The following PI4KA variants were observed in gnomAD, a reference collection of about 807,000 sequenced individuals.
PI4KA encodes PI4-kinase alpha.
A neutral mutation model predicts 271.4 loss-of-function variants in PI4KA; 122 were observed. The ratio of observed to expected loss-of-function variants is 0.45; its 90% CI spans 0.39 to 0.52. The LOEUF (loss-of-function observed/expected upper bound fraction) is 0.52. PI4KA is among the 20% of genes least tolerant of loss of function. PI4KA has a pLI of 0.00. For synonymous variants in PI4KA, 1,041 were observed against 1,078.8 expected (o/e 0.96, Z 0.69); for missense variants, 1,969 against 2,769.1 (o/e 0.71, Z 6.48).
chr22:20,825,844 A>G (rs1333398274), intron 3 of PI4KA, among the ~76,000 whole-genome samples: 1 of 152,186 alleles, frequency 6.6e-6, no homozygotes, highest in African/African-American at 2.4e-5. Context: ...TAATAAGCAT[A>G]GTACCCAGAA....
rs1031287148 is a variant in PI4KA, at chr22:20,726,473, C to G, written c.4995+15G>C. On this transcript the variant is annotated intron_variant, in intron 42 of 54. Transcript: ENST00000255882. The stretch of plus-strand genomic sequence containing the variant: ...TCTGTGAGTGAAGAGGACGGCCATG[C>G]AGGTGCAGGCTTACCTTGTCGTACC... 16 of 1,545,132 alleles carry G rather than the reference C, an allele frequency of 1.0e-5. No homozygotes were observed. The highest frequency in any genetic ancestry group is 2.8e-5 in the African/African-American group (2 of 70,272).
intron 1 of PI4KA, among the ~76,000 whole-genome samples, chr22:20,854,779 T>C (rs954768546): frequency 1.3e-5 from 2 of 151,426 alleles, no homozygotes; most frequent in Non-Finnish European, 2.9e-5. Flanking sequence ...AGGGATTGGG[T>C]TTTAAATACT....
chr22:20,830,551 T>A (rs964458726), intron 3 of PI4KA, among the ~76,000 whole-genome samples: 3 of 152,198 alleles, frequency 2.0e-5, no homozygotes, highest in Admixed American at 2.0e-4. Flanking sequence ...GTATGTGGGA[T>A]TGGTCTCTTA....
chr22:20,830,909 C>T (rs1270781050), intron 3 of PI4KA, among the ~76,000 whole-genome samples: 2 of 152,066 alleles, frequency 1.3e-5, no homozygotes, highest in African/African-American at 4.8e-5. Context: ...GTAGCTGGGA[C>T]TACAGGCATC....
In PI4KA at chr22:20,807,411, G is replaced by C. The variant is rs764353481; in HGVS notation, c.1119C>G (p.Leu373=). 7 of 1,613,576 alleles carry C rather than the reference G, an allele frequency of 4.3e-6. No individual in the cohort carries two copies. In the Admixed American group the frequency reaches 8.3e-5, roughly 19 times the overall value. Reference sequence around the variant, plus strand: ...GCAGCATCTTGAACATGGTCAGGTAGAGAGGGTCACTGAAGGAAGTGTAGT... The same window carrying C: ...GCAGCATCTTGAACATGGTCAGGTACAGAGGGTCACTGAAGGAAGTGTAGT... ...DLYYTSFSDP[L]YLTMFKMLRD... is the part of the protein sequence containing the mutation. Residue 373 remains leucine, a synonymous_variant, in exon 10 of 55, where the codon CTC becomes CTG. Transcript: ENST00000255882.
chr22:20,727,455 C>T, intron 40 of PI4KA, 58 bp from the exon 41 acceptor site: 3 of 1,469,784 alleles, frequency 2.0e-6, no homozygotes, highest in Non-Finnish European at 2.7e-6. Context: ...TCTGGAAATA[C>T]CTGGTCCACG....
intron 1 of PI4KA, among the ~76,000 whole-genome samples, chr22:20,843,232 G>T (rs954655841): frequency 7.2e-5 from 11 of 151,914 alleles, no homozygotes; most frequent in Admixed American, 4.6e-4. Flanking sequence ...GCTTACGCTT[G>T]TAATCCCAGC....
intron 43 of PI4KA, among the ~76,000 whole-genome samples, chr22:20,719,510 C>G (rs1926441511): frequency 6.6e-6 from 1 of 152,180 alleles, no homozygotes; most frequent in Non-Finnish European, 1.5e-5. Context: ...TCCTGAGAAG[C>G]ACCTGGAGCT....
In PI4KA at chr22:20,838,490, C is replaced by T; in HGVS notation, c.273+125G>A. The T allele has an allele frequency of 6.2e-6, 4 of 644,866 alleles. No individual in the cohort carries two copies. The South Asian group carries it at 7.7e-5, about 12-fold the overall frequency. The allele number at this position is 644,866 out of a possible 1,614,324, so 39.9% of individuals were successfully genotyped here. A position where few individuals can be genotyped will look rare whatever the true frequency, so the allele number is the denominator to read the frequency against. On this transcript the variant is annotated intron_variant, in intron 2 of 54. Coordinates refer to ENST00000255882, the MANE Select transcript of PI4KA (RefSeq NM_058004.4). ...ACCTTGTCCTACCCTCTCCACTAACCACTTTGATTAGGTTCAAATGTATTC... is the reference window on the plus strand; with the variant it reads ...ACCTTGTCCTACCCTCTCCACTAACTACTTTGATTAGGTTCAAATGTATTC...
intron 28 of PI4KA, among the ~76,000 whole-genome samples, chr22:20,749,098 C>T (rs1930406659): frequency 6.6e-6 from 1 of 152,212 alleles, no homozygotes; most frequent in South Asian, 2.1e-4. Flanking sequence ...CGACAGACAG[C>T]CTTGGGACCT....
chr22:20,727,749 G>C (rs1396609411), intron 40 of PI4KA, 25 bp downstream of exon 40: 10 of 1,574,170 alleles, frequency 6.4e-6, no homozygotes, highest in Non-Finnish European at 8.7e-6. Flanking sequence ...TTTGAACTCA[G>C]GCCCTGGTAC....
chr22:20,743,841 T>G (rs1309980908), intron 30 of PI4KA, among the ~76,000 whole-genome samples: 1 of 151,866 alleles, frequency 6.6e-6, no homozygotes, highest in Non-Finnish European at 1.5e-5. Flanking sequence ...GATCATGAGG[T>G]CAGGAGATCA....
At chr22:20,802,208 G>A in intron 13 of PI4KA, 103 bp from the exon 14 acceptor site, 1 of 983,266 alleles carries the variant, frequency 1.0e-6, no homozygotes, top group Non-Finnish European at 1.5e-6. Context: ...ATTTATAAAA[G>A]CAAAATGATC....
At chr22:20,726,340 T>C (rs1470149415) in intron 42 of PI4KA, 148 bp downstream of exon 42, 2 of 575,780 alleles carry the variant, frequency 3.5e-6, no homozygotes, top group African/African-American at 2.0e-5. Context: ...TCACAGGGCC[T>C]GGGGTAGGGG....
At chr22:20,788,239 G>C (rs541800687) in intron 19 of PI4KA, among the ~76,000 whole-genome samples, 2 of 152,330 alleles carry the variant, frequency 1.3e-5, no homozygotes, top group African/African-American at 4.8e-5. Context: ...ACCTGTCCAA[G>C]ATGCTGAAGT....
At chr22:20,726,344 G>T in intron 42 of PI4KA, 144 bp downstream of exon 42, 1 of 591,866 alleles carries the variant, frequency 1.7e-6, no homozygotes, top group Non-Finnish European at 2.8e-6. Flanking sequence ...AGGGCCTGGG[G>T]TAGGGGGAGC....
At chr22:20,730,970 A>G (rs1227755449) in intron 36 of PI4KA, among the ~76,000 whole-genome samples, 1 of 151,810 alleles carries the variant, frequency 6.6e-6, no homozygotes, top group Non-Finnish European at 1.5e-5. Flanking sequence ...AGACGCCAGG[A>G]GATCGAGGCC....
intron 29 of PI4KA, among the ~76,000 whole-genome samples, chr22:20,746,057 AAG>A (rs1930037873): frequency 4.4e-5 from 6 of 137,714 alleles, no homozygotes; most frequent in Admixed American, 7.9e-5. Flanking sequence ...AAAAAAAAAA[AAG>A]AATTTTTTTT....
chr22:20,747,107 A>G (rs1346793401), intron 29 of PI4KA, among the ~76,000 whole-genome samples: 1 of 152,216 alleles, frequency 6.6e-6, no homozygotes, highest in Non-Finnish European at 1.5e-5. Flanking sequence ...TAACTCAGAA[A>G]GTATTGCTGT....
Sources: allele counts gnomAD v4.1 joint callset (sites outside exome capture counted in the v4.1 genomes callset), GRCh38; gene constraint gnomAD v4.1.1; transcripts MANE v1.5; gene names NCBI Gene and HGNC (gene_info 2026-07-23, HGNC 2026-07-21).